LMBR1L: variants seen among roughly 807,000 people sequenced by gnomAD.
The protein encoded by LMBR1L is limb development membrane protein 1 like, also known as protein LMBR1L.
A neutral mutation model predicts 67.3 loss-of-function variants in LMBR1L; 47 were observed. The ratio of observed to expected loss-of-function variants is 0.70; its 90% CI spans 0.55 to 0.89. The LOEUF is 0.89. Among genes scored for constraint, LMBR1L ranks in the 40% least tolerant of loss-of-function variants. The probability of loss-of-function intolerance (pLI) is 0.00; values close to 1 mark genes in which losing one functional copy is unlikely to be tolerated. For synonymous variants in LMBR1L, 247 were observed against 250.3 expected (o/e 0.99, Z 0.13); for missense variants, 533 against 599.2 (o/e 0.89, Z 1.15).
At chr12:49,104,179 A>C (rs1331845528) in intron 5 of LMBR1L, 2 of 498,868 alleles carry the variant, frequency 4.0e-6, no homozygotes, top group Non-Finnish European at 3.5e-6. Context: ...CACGTCTGCC[A>C]CCATGGTTTT....
intron 5 of LMBR1L, 95 bp from the exon 6 acceptor site, chr12:49,103,908 G>T: frequency 7.4e-7 from 1 of 1,346,662 alleles, no homozygotes; most frequent in Non-Finnish European, 1.0e-6. Flanking sequence ...GAAAGGTTTG[G>T]ATTCAGGAGG....
intron 2 of LMBR1L, chr12:49,106,624 C>A: frequency 7.5e-7 from 1 of 1,340,552 alleles, no homozygotes; most frequent in Non-Finnish European, 9.9e-7. Context: ...AGCCTGTGCC[C>A]GTAATGACAT....
rs1191296795 is a variant in LMBR1L, at chr12:49,100,556, C to A, written c.1173G>T (p.Gln391His). 1.9e-6 allele frequency: 3 copies of A among 1,614,046 alleles called. No individual in the cohort carries two copies. Among genetic ancestry groups the A allele is most frequent in the Non-Finnish European group, 2.5e-6 (3 of 1,179,956 alleles). ...RPRWHDTAMT[Q>H]IIGNCVCLLV... ...GCTTCCCTTACTCCCTCCCAGCTAC[C>A]TGCGTCATGGCAGTGTCGTGCCATC... Residue 391 changes from glutamine to histidine, a missense_variant and splice_region_variant, in exon 14 of 17, where the codon CAG (glutamine) becomes CAT (histidine). Gln to His is a conservative substitution (Grantham distance 24). Around this residue, in one of 3 missense-constraint regions of LMBR1L, gnomAD observed 223 missense variants for 241.2 expected, o/e 0.92. Coordinates refer to ENST00000267102, the MANE Select transcript of LMBR1L (RefSeq NM_018113.4).
chr12:49,102,441 C>T (rs372587962), intron 9 of LMBR1L, 27 bp downstream of exon 9: 4 of 1,613,796 alleles, frequency 2.5e-6, no homozygotes, highest in South Asian at 1.1e-5. Context: ...AAGCCTACCA[C>T]CCCAGCAGGG....
At chr12:49,102,099 C>G (rs1216464676) in intron 11 of LMBR1L, 21 bp downstream of exon 11, 1 of 1,612,150 alleles carries the variant, frequency 6.2e-7, no homozygotes. Context: ...CACTCCTCAC[C>G]TCTAGGGCTG....
chr12:49,106,569 T>C lies in LMBR1L; in HGVS notation c.157+392A>G, dbSNP rs548454864. The C allele has an allele frequency of 3.7e-5, 49 of 1,315,000 alleles. 4 individuals carry two copies. In the South Asian group the frequency reaches 6.0e-4, roughly 16 times the overall value. The allele number at this position is 1,315,000 out of a possible 1,614,324, so 81.5% of individuals were successfully genotyped here. The stretch of plus-strand genomic sequence containing the variant: ...CCAGGTTCCCCAGTCATCAGGGAGG[T>C]CTCTGGTCCTGGCTGTGGAAGCACT... On this transcript the variant is annotated intron_variant, in intron 2 of 16. Transcript: ENST00000267102.
rs869070798 is a variant in LMBR1L at position 49,099,581 on chromosome 12, C to CT, written c.1240+806dup. 2.3e-3 allele frequency among the ~76,000 whole-genome samples: 323 copies of CT among 139,906 alleles called. 1 individual carries two copies. Among genetic ancestry groups the CT allele is most frequent in the East Asian group, 7.1e-3 (34 of 4,782 alleles). The allele number at this position is 139,906 out of a possible 152,430, so 91.8% of individuals were successfully genotyped here. A position where few individuals can be genotyped will look rare whatever the true frequency, so the allele number is the denominator to read the frequency against. ...GGGGTGAACTAGTTACACTCTTGAA[C>CT]TTTTTTTTTTTTTTTTTGAGATGAA... is the stretch of plus-strand genomic sequence containing the variant. On this transcript the variant is annotated intron_variant, in intron 15 of 16. Coordinates refer to ENST00000267102, the MANE Select transcript of LMBR1L (RefSeq NM_018113.4).
In LMBR1L at chr12:49,100,597, G is replaced by C. The variant is rs201126566; in HGVS notation, c.1132C>G (p.Arg378Gly). 1.2e-6 allele frequency: 2 copies of C among 1,614,044 alleles called. No homozygotes were observed. Among genetic ancestry groups the C allele is most frequent in the Non-Finnish European group, 1.7e-6 (2 of 1,180,028 alleles). The change falls in exon 14 of 17, where the codon CGG (arginine) becomes GGG (glycine). Residue 378 changes from arginine (R) to glycine (G), a missense_variant. This residue lies in a region of LMBR1L where 223 missense variants were observed against 241.2 expected (regional missense o/e 0.92). Transcript: ENST00000267102. Reference protein sequence around the residue: ...VVGFYSSPLFRSLRPRWHDTA... With the variant: ...VVGFYSSPLFGSLRPRWHDTA... ...TCGTGCCATCTGGGCCGCAGGCTCCGGAAGAGTGGAGAGCTATAGAAGCCC... is the reference window on the plus strand; with the variant it reads ...TCGTGCCATCTGGGCCGCAGGCTCCCGAAGAGTGGAGAGCTATAGAAGCCC...
intron 3 of LMBR1L, 37 bp downstream of exon 3, chr12:49,105,887 G>A (rs1352059566): frequency 6.3e-7 from 1 of 1,585,118 alleles, no homozygotes; most frequent in African/African-American, 1.3e-5. Flanking sequence ...AGTTCCTAAA[G>A]ACCACTGATG....
At chr12:49,106,498 G>A (rs564237743) in intron 2 of LMBR1L, 26 of 1,062,526 alleles carry the variant, frequency 2.4e-5, no homozygotes, top group South Asian at 2.2e-4. Flanking sequence ...GGAAAGCTGC[G>A]ATCTGAGCAT....
chr12:49,104,655 A>AC, intron 4 of LMBR1L, 91 bp downstream of exon 4: 1 of 1,582,798 alleles, frequency 6.3e-7, no homozygotes, highest in Non-Finnish European at 8.7e-7. Flanking sequence ...GCGACATATG[A>AC]CTGCTTGGCG....
chr12:49,100,875 GCAC>G, intron 13 of LMBR1L: 1 of 567,346 alleles, frequency 1.8e-6, no homozygotes, highest in African/African-American at 1.9e-5. Context: ...ATGCAAGCAC[GCAC>G]CACCACGTCT....
intron 1 of LMBR1L, among the ~76,000 whole-genome samples, chr12:49,108,847 A>G (rs1264575321): frequency 1.3e-5 from 2 of 152,234 alleles, no homozygotes; most frequent in Non-Finnish European, 2.9e-5. Flanking sequence ...CAGTCTCCAG[A>G]AAGGGCTGAC....
At chr12:49,108,468 A>T (rs1941171454) in intron 1 of LMBR1L, among the ~76,000 whole-genome samples, 1 of 149,592 alleles carries the variant, frequency 6.7e-6, no homozygotes, top group East Asian at 2.0e-4. Context: ...AGGCTGAGGC[A>T]GGAGAATTGC....
intron 7 of LMBR1L, 34 bp downstream of exon 7, chr12:49,103,057 C>T: frequency 6.2e-7 from 1 of 1,610,910 alleles, no homozygotes; most frequent in Non-Finnish European, 8.5e-7. Context: ...GTCCAAGGAC[C>T]CTGCCCATTC....
chr12:49,106,098 C>T, intron 2 of LMBR1L, 141 bp from the exon 3 acceptor site: 2 of 664,746 alleles, frequency 3.0e-6, no homozygotes, highest in Admixed American at 3.1e-5. Flanking sequence ...CAGGAGACCA[C>T]ACATTATGAA....
rs758054639 is a variant in LMBR1L at position 49,103,167 on chromosome 12, TA to T, written c.563-9del. On this transcript the variant is annotated splice_polypyrimidine_tract_variant and intron_variant, in intron 6 of 16. Transcript: ENST00000267102. Reference sequence around the variant, plus strand: ...GATAGTACTCCCAAAAGTCTAAGGATAAAAAAAAGAGGCATGTCAGCTCATC... The same window carrying T: ...GATAGTACTCCCAAAAGTCTAAGGATAAAAAAAGAGGCATGTCAGCTCATC... 7 of 1,610,626 alleles carry T rather than the reference TA, an allele frequency of 4.3e-6. No homozygotes were observed. Among genetic ancestry groups the T allele is most frequent in the Non-Finnish European group, 5.9e-6 (7 of 1,177,836 alleles).
In LMBR1L at chr12:49,104,719, C is replaced by T. The variant is rs769660751; in HGVS notation, c.331+27G>A. 36 of 1,612,474 alleles carry T rather than the reference C, an allele frequency of 2.2e-5. No individual in the cohort carries two copies. In the Admixed American group the frequency reaches 2.3e-4, roughly 11 times the overall value. ...TCTGCTCTCTGCTCCCTATCCCTACCCCAAGCAGCTTCCAGGAGCCACACA... is the reference window on the plus strand; with the variant it reads ...TCTGCTCTCTGCTCCCTATCCCTACTCCAAGCAGCTTCCAGGAGCCACACA... On this transcript the variant is annotated intron_variant, in intron 4 of 16. Coordinates refer to ENST00000267102, the MANE Select transcript of LMBR1L (RefSeq NM_018113.4).
Position 49,100,624 on chromosome 12 carries a change from C to T in LMBR1L, c.1105G>A (p.Val369Met), listed in dbSNP as rs1940035760. 6.2e-7 allele frequency: 1 copy of T among 1,613,962 alleles called. No individual in the cohort carries two copies. ...LIFYLMVSSVVGFYSSPLFRS... is the reference protein window; with the variant it reads ...LIFYLMVSSVMGFYSSPLFRS... ...AAGAGTGGAGAGCTATAGAAGCCCA[C>T]AACTGAGGACACCATTAGGTAACTG... The change falls in exon 14 of 17, where the codon GTG becomes ATG. Residue 369 changes from valine to methionine, a missense_variant. By Grantham distance (21) the Val-to-Met change is conservative (BLOSUM62 1). Coordinates refer to ENST00000267102, the MANE Select transcript of LMBR1L (RefSeq NM_018113.4).
Sources: gnomAD v4.1 joint callset for allele counts (sites outside exome capture counted in the v4.1 genomes callset) on GRCh38, gnomAD v4.1.1 for gene constraint, gnomAD v4.1.1 regional missense constraint, MANE v1.5 for transcripts, NCBI Gene and HGNC (gene_info 2026-07-23, HGNC 2026-07-21) for gene names.